The following FRAS1 variants were observed in gnomAD, a reference collection of about 807,000 sequenced individuals.
FRAS1 encodes the protein Fraser extracellular matrix complex subunit 1.
FRAS1 carries 290 observed loss-of-function variants against 435.2 expected under a neutral mutation model. That is an observed-to-expected ratio of 0.67 (90% CI 0.61 to 0.73). The LOEUF is 0.73. Among genes scored for constraint, FRAS1 ranks in the 30% least tolerant of loss-of-function variants. FRAS1 has a pLI of 0.00. For missense variants in FRAS1, 4,860 were observed against 5,001.5 expected (o/e 0.97, Z 0.85); for synonymous variants, 1,800 against 1,851.0 (o/e 0.97, Z 0.71).
chr4:78,499,377 T>C (rs1162434936), intron 60 of FRAS1, among the ~76,000 whole-genome samples: 2 of 152,190 alleles, frequency 1.3e-5, no homozygotes, highest in African/African-American at 4.8e-5. Flanking sequence ...CTCAGTCCCT[T>C]GATAAACTGT....
chr4:78,121,926 G>A (rs778484037), intron 2 of FRAS1, among the ~76,000 whole-genome samples: 3 of 152,126 alleles, frequency 2.0e-5, no homozygotes, highest in South Asian at 2.1e-4. Context: ...TGTTTTAGAC[G>A]ACAATCAAGA....
intron 2 of FRAS1, among the ~76,000 whole-genome samples, chr4:78,206,675 T>C (rs193220287): frequency 5.3e-5 from 8 of 152,332 alleles, no homozygotes; most frequent in Non-Finnish European, 1.0e-4. Context: ...AACTGAACAA[T>C]GAACTTATTT....
intron 58 of FRAS1, 43 bp from the exon 59 acceptor site, chr4:78,488,832 T>C: frequency 1.3e-6 from 2 of 1,568,842 alleles, no homozygotes; most frequent in Non-Finnish European, 1.7e-6. Context: ...AGCTTCCCTG[T>C]CTTCCACTAA....
At chr4:78,323,375 TTGC>T (rs1202638658) in intron 18 of FRAS1, among the ~76,000 whole-genome samples, 1 of 152,162 alleles carries the variant, frequency 6.6e-6, no homozygotes, top group African/African-American at 2.4e-5. Flanking sequence ...AGCTGAGTGT[TTGC>T]TAGCACTGAT....
intron 2 of FRAS1, among the ~76,000 whole-genome samples, chr4:78,215,950 T>A (rs1723750712): frequency 1.3e-5 from 2 of 152,384 alleles, no homozygotes; most frequent in African/African-American, 4.8e-5. Flanking sequence ...AAAACTGATT[T>A]CCCTATTCTG....
rs538319251 is a variant in FRAS1 at position 78,057,696 on chromosome 4, G to T, written c.-314G>T. 245 of 422,270 alleles carry T rather than the reference G, an allele frequency of 5.8e-4. No homozygotes were observed. The highest frequency in any genetic ancestry group is 4.5e-3 in the African/African-American group (225 of 50,028). 26.2% of individuals were successfully genotyped at this position (422,270 alleles called of 1,614,324 possible). A position where few individuals can be genotyped will look rare whatever the true frequency, so the allele number is the denominator to read the frequency against. On this transcript the variant is annotated 5_prime_UTR_variant, in exon 1 of 74. Coordinates refer to ENST00000512123, the MANE Select transcript of FRAS1 (RefSeq NM_025074.7). The surrounding 1 kb of genome is among the most constrained non-coding windows in gnomAD (Gnocchi z 4.2). ...TCGGCCAGTGACCAGCAACTTTCCG[G>T]CGAGATTTTGACGCGGAGAACTGTG...
In FRAS1 at chr4:78,526,589, G is replaced by T; in HGVS notation, c.10857G>T (p.Val3619=). 6.2e-7 allele frequency: 1 copy of T among 1,602,778 alleles called. No individual in the cohort carries two copies. Among genetic ancestry groups the T allele is most frequent in the Admixed American group, 1.7e-5 (1 of 58,694 alleles). The change falls in exon 70 of 74, where the codon GTG becomes GTT. Residue 3619 remains valine (V), a synonymous_variant. Coordinates refer to ENST00000512123, the MANE Select transcript of FRAS1 (RefSeq NM_025074.7). ...CCATCTACCTGATCCCTTGCACAGT[G>T]CAGCCCACACAGCCATGGGTTGACC... ...EYTIYLIPCT[V]QPTQPWVDPG...
chr4:78,331,530 C>T (rs1729949966), intron 18 of FRAS1, among the ~76,000 whole-genome samples: 3 of 152,244 alleles, frequency 2.0e-5, no homozygotes, highest in African/African-American at 7.2e-5. Context: ...TCCAGCTGAA[C>T]ATTAGCTCCA....
intron 32 of FRAS1, among the ~76,000 whole-genome samples, chr4:78,417,198 G>A (rs1260594367): frequency 2.6e-5 from 4 of 152,102 alleles, no homozygotes; most frequent in Non-Finnish European, 5.9e-5. Context: ...GAGAAAAATA[G>A]TATCAATAAA....
chr4:78,343,471 T>C (rs1022040585), intron 20 of FRAS1, among the ~76,000 whole-genome samples: 1 of 145,890 alleles, frequency 6.9e-6, no homozygotes, highest in Non-Finnish European at 1.5e-5. Context: ...ACCTTCTTTC[T>C]TTTCTCTGTG....
intron 58 of FRAS1, among the ~76,000 whole-genome samples, chr4:78,488,583 C>G (rs1174762472): frequency 6.6e-6 from 1 of 152,194 alleles, no homozygotes; most frequent in East Asian, 1.9e-4. Flanking sequence ...TATTGACTTG[C>G]ATTACCTGCT....
At chr4:78,303,176 G>A (rs547096341) in intron 14 of FRAS1, among the ~76,000 whole-genome samples, 7 of 152,156 alleles carry the variant, frequency 4.6e-5, no homozygotes, top group African/African-American at 1.7e-4. Context: ...GTAGATATGC[G>A]GCATTATTTC....
intron 14 of FRAS1, among the ~76,000 whole-genome samples, chr4:78,302,338 C>A (rs1728454570): frequency 1.3e-5 from 2 of 151,576 alleles, no homozygotes; most frequent in Non-Finnish European, 2.9e-5. Context: ...GTCTTTATAG[C>A]AGCATGATTT....
chr4:78,068,552 G>A (rs1740170532), intron 2 of FRAS1: 2 of 456,318 alleles, frequency 4.4e-6, no homozygotes, highest in African/African-American at 2.0e-5. Flanking sequence ...TGTCCTTTCA[G>A]GAAGGTGGAT....
rs141843124 is a variant in FRAS1 at position 78,537,013 on chromosome 4, G to A, written c.11111G>A (p.Arg3704Gln). 4.4e-5 allele frequency: 71 copies of A among 1,613,744 alleles called. No individual in the cohort carries two copies. The highest frequency in any genetic ancestry group is 6.7e-5 in the East Asian group (3 of 44,870). ...AFSKGQILYG[R>Q]VLWNPEQNLN... is the part of the protein sequence containing the mutation. ...TTTTCAGGTCAAATCCTTTATGGCC[G>A]AGTACTTTGGAATCCAGAACAAAAT... is the stretch of plus-strand genomic sequence containing the variant. Residue 3704 changes from arginine to glutamine, a missense_variant, in exon 72 of 74, where the codon CGA becomes CAA. Coordinates refer to ENST00000512123, the MANE Select transcript of FRAS1 (RefSeq NM_025074.7).
Position 78,482,499 on chromosome 4 carries a change from C to G in FRAS1, c.8716C>G (p.Gln2906Glu). 1.2e-6 allele frequency: 2 copies of G among 1,613,864 alleles called. No individual in the cohort carries two copies. The highest frequency in any genetic ancestry group is 8.5e-7 in the Non-Finnish European group (1 of 1,179,816). ...AGGAGCCGAACTGACCAAACCCTTC[C>G]AGGCAGTCATTGCAATTAATGACAC... ...AQGAELTKPFQAVIAINDTFQ... is the reference protein window; with the variant it reads ...AQGAELTKPFEAVIAINDTFQ... The change falls in exon 58 of 74, where the codon CAG becomes GAG. Residue 2906 changes from glutamine to glutamate, a missense_variant. By Grantham distance (29) the Gln-to-Glu change is conservative (BLOSUM62 2). Coordinates refer to ENST00000512123, the MANE Select transcript of FRAS1 (RefSeq NM_025074.7).
At position 78,118,546 on chromosome 4, in the gene FRAS1, C is replaced by T. The variant is rs547286847; in HGVS notation, c.108+52530C>T. 1.7e-4 allele frequency among the ~76,000 whole-genome samples: 26 copies of T among 152,318 alleles called. No individual in the cohort carries two copies. In the South Asian group the frequency reaches 1.9e-3, roughly 11 times the overall value. Reference sequence around the variant, plus strand: ...GGCACCCCTCCCCCAGCCTCACTGCCGCCTTGCAGTTTGATCTCAGACTGC... The same window carrying T: ...GGCACCCCTCCCCCAGCCTCACTGCTGCCTTGCAGTTTGATCTCAGACTGC... On this transcript the variant is annotated intron_variant, in intron 2 of 73. Transcript: ENST00000512123.
chr4:78,386,245 C>A (rs974703619), intron 28 of FRAS1, among the ~76,000 whole-genome samples: 1 of 151,842 alleles, frequency 6.6e-6, no homozygotes, highest in African/African-American at 2.4e-5. Context: ...ATTTTCATTC[C>A]TTTAAATTTC....
intron 2 of FRAS1, among the ~76,000 whole-genome samples, chr4:78,077,210 AC>A (rs1740679105): frequency 6.6e-6 from 1 of 151,888 alleles, no homozygotes; most frequent in African/African-American, 2.4e-5. Context: ...ACACACACAC[AC>A]ACACACACAT....
Sources: allele counts gnomAD v4.1 joint callset (sites outside exome capture counted in the v4.1 genomes callset), GRCh38; gene constraint gnomAD v4.1.1; non-coding constraint Gnocchi (gnomAD v3.1); transcripts MANE v1.5; gene names NCBI Gene and HGNC (gene_info 2026-07-23, HGNC 2026-07-21).